CEP72: variants seen among roughly 807,000 people sequenced by gnomAD.
CEP72 encodes the protein centrosomal protein 72.
CEP72 carries 78 observed loss-of-function variants against 65.7 expected under a neutral mutation model. That is an observed-to-expected ratio of 1.19 (90% CI 0.99 to 1.43). CEP72 has a LOEUF of 1.43. Ranked by LOEUF, CEP72 falls within the 40% of genes most tolerant of loss-of-function variation. The pLI is 0.00. For synonymous variants in CEP72, 358 were observed against 351.7 expected, an observed-to-expected ratio of 1.02 and a Z score of -0.20; for missense variants, 914 against 832.9, an observed-to-expected ratio of 1.10 and a Z score of -1.20.
intron 9 of CEP72, chr5:643,598 A>G: frequency 2.0e-6 from 2 of 985,282 alleles, no homozygotes; most frequent in Non-Finnish European, 2.4e-6. Context: ...CCCTGGTGGC[A>G]GTGAGCTGGG....
chr5:666,392 C>T (rs922244182), intron 4 of CEP72, among the ~76,000 whole-genome samples: 5 of 152,254 alleles, frequency 3.3e-5, no homozygotes, highest in Non-Finnish European at 5.9e-5. Flanking sequence ...GGGGCAGTGC[C>T]GGAGGCCATT....
At chr5:617,523 C>A (rs774257943) in intron 1 of CEP72, among the ~76,000 whole-genome samples, 27 of 152,200 alleles carry the variant, frequency 1.8e-4, no homozygotes, top group Non-Finnish European at 3.2e-4. Context: ...AAACCCTTTT[C>A]TTTCAGTAAC....
At chr5:633,426 C>T (rs1337970696) in intron 4 of CEP72, among the ~76,000 whole-genome samples, 14 of 148,506 alleles carry the variant, frequency 9.4e-5, no homozygotes, top group African/African-American at 3.5e-4. Context: ...TGTCCAGTGC[C>T]GGGATTTAGA....
intron 1 of CEP72, among the ~76,000 whole-genome samples, chr5:615,435 G>T (rs1248039140): frequency 6.6e-6 from 1 of 152,078 alleles, no homozygotes; most frequent in Non-Finnish European, 1.5e-5. Context: ...CCTGGGCCTT[G>T]TTCCTCTTTT....
chr5:620,279 C>A lies in CEP72; in HGVS notation c.403+18C>A. 6.2e-7 allele frequency: 1 copy of A among 1,605,680 alleles called. No homozygotes were observed. Among genetic ancestry groups the A allele is most frequent in the Non-Finnish European group, 8.5e-7 (1 of 1,172,756 alleles). ...GCAGCTGGGTAGGCATCAGGCAGGG[C>A]CACGCTCATGCTTTTGTCCCCGTGG... On this transcript the variant is annotated intron_variant, in intron 3 of 11. Transcript: ENST00000264935.
chr5:635,789 G>A (rs1579979035), intron 6 of CEP72, among the ~76,000 whole-genome samples: 1 of 152,256 alleles, frequency 6.6e-6, no homozygotes, highest in East Asian at 1.9e-4. Context: ...CAGAGAAATG[G>A]AGCTAGACTC....
chr5:652,333 C>T (rs1297007107), intron 11 of CEP72, among the ~76,000 whole-genome samples: 1 of 152,174 alleles, frequency 6.6e-6, no homozygotes, highest in Non-Finnish European at 1.5e-5. Context: ...CCTGGGCCTG[C>T]ACAGTGGCCC....
rs372971426 is a variant in CEP72 at position 649,664 on chromosome 5, C to A, written c.1778+1748C>A. 2.0e-3 allele frequency among the ~76,000 whole-genome samples: 59 copies of A among 30,070 alleles called. 1 individual carries two copies. The highest frequency in any genetic ancestry group is 4.0e-3 in the Admixed American group (8 of 1,984). The allele number at this position is 30,070 out of a possible 152,430, so 19.7% of individuals were successfully genotyped here. ...CTGTGAGGTGTGACTGTGAGGTGTG[C>A]CTGTGAGGCGTGGACTGTGAGGCGT... On this transcript the variant is annotated intron_variant, in intron 11 of 11. Transcript: ENST00000264935.
intron 11 of CEP72, among the ~76,000 whole-genome samples, chr5:648,394 T>C (rs1347514567): frequency 7.5e-6 from 1 of 133,426 alleles, no homozygotes; most frequent in Non-Finnish European, 1.5e-5. Context: ...GACTGTGAGA[T>C]GGGACTGTGA....
At chr5:660,561 T>G (rs981250068), downstream of CEP72, 1 of 152,440 alleles carries the variant, frequency 6.6e-6, no homozygotes. Context: ...CCTCGTGGTG[T>G]GTGCTGTGGG....
At chr5:673,950 T>TGCACATGCGGCCATGTGCATGC in the CEP72 span, among the ~76,000 whole-genome samples, 2 of 152,236 alleles carry the variant, frequency 1.3e-5, no homozygotes, top group Non-Finnish European at 2.9e-5. Flanking sequence ...GGCGTGTGTG[T>TGCACATGCGGCCATGTGCATGC]GCACATGCGG....
chr5:659,060 C>T (rs1007259232), downstream of CEP72, among the ~76,000 whole-genome samples: 1 of 152,254 alleles, frequency 6.6e-6, no homozygotes. Flanking sequence ...TCCCTCTTCA[C>T]TTTTGCCACT....
chr5:634,001 A>G (rs1737414697), intron 5 of CEP72, 54 bp downstream of exon 5: 2 of 1,551,620 alleles, frequency 1.3e-6, no homozygotes, highest in Admixed American at 1.7e-5. Context: ...TGGGATATAT[A>G]TAGTCGTTAC....
Position 640,592 on chromosome 5 carries a change from A to T in CEP72, c.1527A>T (p.Thr509=). Residue 509 remains threonine, a synonymous_variant, in exon 9 of 12, where the codon ACA becomes ACT. Coordinates refer to ENST00000264935, the MANE Select transcript of CEP72 (RefSeq NM_018140.4). ...AGGTGACGGCGGAGCTGCACCACAC[A>T]CACAAGGAGCTGGTGAGCCCGCCCT... ...MSEVTAELHH[T]HKELDDLRQH... 6.2e-7 allele frequency: 1 copy of T among 1,612,232 alleles called. No individual in the cohort carries two copies. The highest frequency in any genetic ancestry group is 8.5e-7 in the Non-Finnish European group (1 of 1,179,766).
intron 2 of CEP72, among the ~76,000 whole-genome samples, chr5:619,515 C>T (rs752788341): frequency 6.0e-5 from 9 of 149,700 alleles, no homozygotes; most frequent in African/African-American, 2.0e-4. Context: ...GCCCTGAGCC[C>T]GATGCCTGAG....
the CEP72 span, among the ~76,000 whole-genome samples, chr5:673,907 C>T: frequency 6.6e-6 from 1 of 152,254 alleles, no homozygotes; most frequent in African/African-American, 2.4e-5. Context: ...CCCAGCCCCA[C>T]CCACCGCAGG....
rs140817509 is a variant in CEP72, at chr5:624,554, G to A, written c.487G>A (p.Val163Ile). Residue 163 changes from valine (V) to isoleucine (I), a missense_variant, in exon 4 of 12, where the codon GTC (valine) becomes ATC (isoleucine). Physicochemically the swap from Val to Ile is conservative, Grantham distance 29. Transcript: ENST00000264935. This position sits in a 1 kb window ranked among gnomAD's most constrained non-coding sequence, Gnocchi z 4.7. ...GGACTCACTCGACTCCAAAGAGAGC[G>A]TCCCAGCTTCTTTGAAAGAGGGCAG... ...SEDSLDSKES[V>I]PASLKEGRPH... is the part of the protein sequence containing the mutation. The A allele has an allele frequency of 2.8e-5, 45 of 1,613,556 alleles. No individual in the cohort carries two copies. The highest frequency in any genetic ancestry group is 8.3e-5 in the Admixed American group (5 of 60,002).
At chr5:669,894 G>A (rs1183079592), downstream of CEP72, among the ~76,000 whole-genome samples, 1 of 152,178 alleles carries the variant, frequency 6.6e-6, no homozygotes, top group Non-Finnish European at 1.5e-5. Flanking sequence ...CGGCTCTCCT[G>A]ACATAGAGTG....
chr5:629,031 G>A (rs562190762), intron 4 of CEP72, among the ~76,000 whole-genome samples: 5 of 152,342 alleles, frequency 3.3e-5, no homozygotes, highest in African/African-American at 4.8e-5. Flanking sequence ...CGCAGGCCCC[G>A]GGGAGTGGGA....
Sources: gnomAD v4.1 joint callset for allele counts (sites outside exome capture counted in the v4.1 genomes callset) on GRCh38, gnomAD v4.1.1 for gene constraint, Gnocchi (gnomAD v3.1) non-coding constraint, MANE v1.5 for transcripts, NCBI Gene and HGNC (gene_info 2026-07-23, HGNC 2026-07-21) for gene names.